The following DNMT3L variants were observed in gnomAD, a reference collection of about 807,000 sequenced individuals.
DNMT3L encodes the protein DNA methyltransferase 3 like.
DNMT3L carries 33 observed loss-of-function variants against 36.2 expected under a neutral mutation model. The observed-to-expected ratio is 0.91, with a 90% CI of 0.69 to 1.22. DNMT3L has a LOEUF of 1.22. DNMT3L is among the 50% of genes most tolerant of loss of function. The pLI, the probability that DNMT3L is intolerant of heterozygous loss-of-function variation, is 0.00. For synonymous variants in DNMT3L, 117 were observed against 121.7 expected (o/e 0.96, Z 0.26); for missense variants, 310 against 303.1 (o/e 1.02, Z -0.17).
At chr21:44,260,653 T>C in intron 3 of DNMT3L, 142 bp downstream of exon 3, 1 of 1,024,626 alleles carries the variant, frequency 9.8e-7, no homozygotes, top group Non-Finnish European at 1.5e-6. Flanking sequence ...AGACAGAGTC[T>C]CACTATGTTG....
intron 7 of DNMT3L, among the ~76,000 whole-genome samples, chr21:44,255,504 T>C (rs60383775): frequency 0.21 from 13,927 of 65,998 alleles, 848 homozygotes; most frequent in African/African-American, 0.42. Context: ...AGACTCCGCC[T>C]CAAAAAAAAA....
intron 7 of DNMT3L, among the ~76,000 whole-genome samples, chr21:44,255,537 C>T (rs1380984585): frequency 6.7e-6 from 1 of 150,336 alleles, no homozygotes; most frequent in East Asian, 1.9e-4. Flanking sequence ...GACTGTATTA[C>T]AGCACCAGGC....
Position 44,254,712 on chromosome 21 carries a change from G to A in DNMT3L, c.605-7C>T. ...AAGCCCAAACTCGTCAGCTCTGGAT[G>A]GGGAGAGACCAGAAGGGCCCAGAGG... On this transcript the variant is annotated splice_polypyrimidine_tract_variant and splice_region_variant and intron_variant, in intron 7 of 11. Coordinates refer to ENST00000628202, the MANE Select transcript of DNMT3L (RefSeq NM_175867.3). 1 of 1,613,810 alleles carries A rather than the reference G, an allele frequency of 6.2e-7. No individual in the cohort carries two copies. The highest frequency in any genetic ancestry group is 8.5e-7 in the Non-Finnish European group (1 of 1,179,906).
chr21:44,259,057 A>T (rs60841882), intron 5 of DNMT3L, among the ~76,000 whole-genome samples: 3,395 of 152,114 alleles, frequency 0.022, 100 homozygotes, highest in African/African-American at 0.065. Flanking sequence ...GGGAGCTGTA[A>T]ATACGAGGAT....
chr21:44,260,968 C>A, intron 2 of DNMT3L, 129 bp from the exon 3 acceptor site: 5 of 1,452,376 alleles, frequency 3.4e-6, no homozygotes, highest in African/African-American at 1.4e-5. Context: ...GCCATCCCGC[C>A]CTCACACCTT....
chr21:44,261,575 C>T (rs571232393), intron 1 of DNMT3L, among the ~76,000 whole-genome samples, 165 bp downstream of exon 1: 54 of 152,238 alleles, frequency 3.5e-4, no homozygotes, highest in East Asian at 1.2e-3. Context: ...GGCCAATGGC[C>T]GCTGCAGCCC....
chr21:44,257,666 G>A (rs2146357363), intron 6 of DNMT3L, among the ~76,000 whole-genome samples: 1 of 134,412 alleles, frequency 7.4e-6, no homozygotes, highest in African/African-American at 3.0e-5. Context: ...GGGCGACAGA[G>A]CGAGACTCCG....
rs1414748815 is a variant in DNMT3L, at chr21:44,258,746, G to A, written c.345-52C>T. 2 of 1,579,620 alleles carry A rather than the reference G, an allele frequency of 1.3e-6. No individual in the cohort carries two copies. The highest frequency in any genetic ancestry group is 1.7e-4 in the Middle Eastern group (1 of 5,888). On this transcript the variant is annotated intron_variant, in intron 5 of 11. Transcript: ENST00000628202. The surrounding 1 kb of genome is among the most constrained non-coding windows in gnomAD (Gnocchi z 6.2). ...GCGGACATGACAGCCCACCTCTCCT[G>A]AGGATGGCAGAGGTGGGCCTGATTG...
chr21:44,260,697 A>G, intron 3 of DNMT3L, 98 bp downstream of exon 3: 2 of 1,502,940 alleles, frequency 1.3e-6, no homozygotes, highest in Non-Finnish European at 1.8e-6. Flanking sequence ...GGCTCAAATG[A>G]TCCTCCCACA....
intron 7 of DNMT3L, among the ~76,000 whole-genome samples, chr21:44,255,456 G>T (rs946508303): frequency 6.6e-6 from 1 of 151,070 alleles, no homozygotes; most frequent in Non-Finnish European, 1.5e-5. Flanking sequence ...GGGGGGCAGA[G>T]GTGCAGCGAG....
intron 8 of DNMT3L, among the ~76,000 whole-genome samples, chr21:44,253,631 C>CT (rs1254950727): frequency 1.3e-5 from 2 of 152,056 alleles, no homozygotes; most frequent in African/African-American, 4.8e-5. Flanking sequence ...AGGCAGGAGA[C>CT]TCGCCTGAAC....
intron 7 of DNMT3L, among the ~76,000 whole-genome samples, chr21:44,255,292 G>A (rs1012392787): frequency 5.5e-4 from 84 of 152,096 alleles, no homozygotes; most frequent in Middle Eastern, 3.4e-3. Context: ...AGTCCAAGGC[G>A]GATGGATCAC....
chr21:44,254,727 G>T (rs1231709408), intron 7 of DNMT3L, 22 bp from the exon 8 acceptor site: 10 of 1,613,198 alleles, frequency 6.2e-6, no homozygotes, highest in Non-Finnish European at 8.5e-6. Context: ...GAGACCAGAA[G>T]GGCCCAGAGG....
chr21:44,259,385 G>T, intron 5 of DNMT3L, 52 bp downstream of exon 5: 1 of 1,555,856 alleles, frequency 6.4e-7, no homozygotes, highest in Non-Finnish European at 8.9e-7. Context: ...TAGCTGAAAG[G>T]ATGGGTGTGT....
Position 44,258,841 on chromosome 21 carries a change from G to A in DNMT3L, c.345-147C>T. The A allele has an allele frequency of 4.3e-6, 5 of 1,160,020 alleles. No individual in the cohort carries two copies. Among genetic ancestry groups the A allele is most frequent in the Non-Finnish European group, 5.9e-6 (5 of 844,600 alleles). 71.9% of individuals were successfully genotyped at this position (1,160,020 alleles called of 1,614,324 possible). ...AAGACCAGGTGGTGGACTGGGAAGA[G>A]GGAGACGGTCCTTCCTAGAGACGCA... On this transcript the variant is annotated intron_variant, in intron 5 of 11. Coordinates refer to ENST00000628202, the MANE Select transcript of DNMT3L (RefSeq NM_175867.3). This position sits in a 1 kb window ranked among gnomAD's most constrained non-coding sequence, Gnocchi z 6.2.
chr21:44,259,597 G>T, intron 4 of DNMT3L, 35 bp downstream of exon 4: 1 of 1,613,220 alleles, frequency 6.2e-7, no homozygotes, highest in Non-Finnish European at 8.5e-7. Flanking sequence ...CTGCTCTGAG[G>T]CCATGAGGGA....
At position 44,256,189 on chromosome 21, in the gene DNMT3L, C is replaced by T. The variant is rs181037394; in HGVS notation, c.517-35G>A. 896 of 1,607,886 alleles carry T rather than the reference C, an allele frequency of 5.6e-4. 1 individual carries two copies. Among genetic ancestry groups the T allele is most frequent in the Non-Finnish European group, 6.8e-4 (804 of 1,174,924 alleles). On this transcript the variant is annotated intron_variant, in intron 6 of 11. Transcript: ENST00000628202. ...AAAAAACCAAAACAGGACATTGTGC[C>T]GGCTACTTGGCTACAGAGCCCTTGA... is the stretch of plus-strand genomic sequence containing the variant.
Position 44,261,162 on chromosome 21 carries a change from G to T in DNMT3L, c.98C>A (p.Thr33Lys), listed in dbSNP as rs781655486. ...AGCAGATGAGCCCTCACCTCTGCCT[G>T]TCCCGGGTGAAACGGAGCTTGAGAG... is the stretch of plus-strand genomic sequence containing the variant. ...SELSSSVSPG[T>K]GRDLIAYEVK... is the part of the protein sequence containing the mutation. The change falls in exon 2 of 12, where the codon ACA (threonine) becomes AAA (lysine). Residue 33 changes from threonine to lysine, a missense_variant. Coordinates refer to ENST00000628202, the MANE Select transcript of DNMT3L (RefSeq NM_175867.3). 5.0e-6 allele frequency: 8 copies of T among 1,612,708 alleles called. No homozygotes were observed. In the East Asian group the frequency reaches 1.3e-4, roughly 27 times the overall value.
In DNMT3L at chr21:44,258,461, G is replaced by C; in HGVS notation, c.516+62C>G. 6.8e-7 allele frequency: 1 copy of C among 1,480,812 alleles called. No individual in the cohort carries two copies. The highest frequency in any genetic ancestry group is 9.0e-7 in the Non-Finnish European group (1 of 1,109,754). 91.7% of individuals were successfully genotyped at this position (1,480,812 alleles called of 1,614,324 possible). On this transcript the variant is annotated intron_variant, in intron 6 of 11. Coordinates refer to ENST00000628202, the MANE Select transcript of DNMT3L (RefSeq NM_175867.3). This position sits in a 1 kb window ranked among gnomAD's most constrained non-coding sequence, Gnocchi z 6.2. ...GCGCCTGCATTCTGCAGCGGGAACC[G>C]AGGGAAGGCCGTAAGTCAGGGCCTG...
Sources: gnomAD v4.1 joint callset for allele counts (sites outside exome capture counted in the v4.1 genomes callset) on GRCh38, gnomAD v4.1.1 for gene constraint, Gnocchi (gnomAD v3.1) non-coding constraint, MANE v1.5 for transcripts, NCBI Gene and HGNC (gene_info 2026-07-23, HGNC 2026-07-21) for gene names.